The following CADPS variants were observed in gnomAD, a reference collection of about 807,000 sequenced individuals.
CADPS encodes the protein calcium-dependent secretion activator 1.
Under a neutral mutation model 167.3 loss-of-function variants are expected in CADPS, and 57 were observed. The ratio of observed to expected loss-of-function variants is 0.34; its 90% confidence interval spans 0.28 to 0.42. The LOEUF is 0.42. CADPS is among the 20% of genes least tolerant of loss of function. The pLI is 1.00. For missense variants in CADPS, 1,414 were observed against 1,738.1 expected, an observed-to-expected ratio of 0.81 and a Z score of 3.32; for synonymous variants, 676 against 635.3, an observed-to-expected ratio of 1.06 and a Z score of -0.96.
chr3:62,420,914 A>AC lies in CADPS; in HGVS notation c.3777+17189dup, dbSNP rs1553715656. Among the ~76,000 whole-genome samples the AC allele has an allele frequency of 0.026, 3,128 of 118,812 alleles. 92 individuals carry two copies. The highest frequency in any genetic ancestry group is 0.078 in the African/African-American group (2,472 of 31,552). 77.9% of individuals were successfully genotyped at this position (118,812 alleles called of 152,430 possible). A position where few individuals can be genotyped will look rare whatever the true frequency, so the allele number is the denominator to read the frequency against. On this transcript the variant is annotated intron_variant, in intron 28 of 29. Transcript: ENST00000383710. The surrounding 1 kb of genome is among the most constrained non-coding windows in gnomAD (Gnocchi z 4.1). ...CACACACACACACAGGCACACACAC[A>AC]CACACTTGCCAGATCACTTACCCAA...
Position 62,690,311 on chromosome 3 carries a change from T to C in CADPS, c.889-27917A>G, listed in dbSNP as rs1157056963. On this transcript the variant is annotated intron_variant, in intron 3 of 29. Coordinates refer to ENST00000383710, the MANE Select transcript of CADPS (RefSeq NM_003716.4). ...AAGTTTTTCTTATGACAGAGTATCA[T>C]AATCTCCAAGATGATGCATGGTCAT... 3.9e-5 allele frequency among the ~76,000 whole-genome samples: 6 copies of C among 152,190 alleles called. No homozygotes were observed. In the East Asian group the frequency reaches 7.8e-4, roughly 20 times the overall value.
rs139451750 is a variant in CADPS at position 62,753,576 on chromosome 3, C to T, written c.753G>A (p.Pro251=). The T allele has an allele frequency of 4.7e-5, 76 of 1,614,146 alleles. No individual in the cohort carries two copies. The Middle Eastern group carries it at 9.9e-4, about 21-fold the overall frequency. ...CTGTCATCCGGGCCTGCTGCTTCCG[C>T]GGGTCCTCTTCTCCACGGTAGATGG... The part of the protein sequence containing the change: ...FDAIYRGEED[P]RKQQARMTAS... The change falls in exon 3 of 30, where the codon CCG becomes CCA. Residue 251 remains proline (P), a synonymous_variant. Coordinates refer to ENST00000383710, the MANE Select transcript of CADPS (RefSeq NM_003716.4). The surrounding 1 kb of genome is among the most constrained non-coding windows in gnomAD (Gnocchi z 4.6).
rs1201137787 is a variant in CADPS at position 62,478,458 on chromosome 3, C to T, written c.3174-42G>A. ...TAGAAAATGAGAGTCACCCACTGGCCTCAGGCTCTACAAAAACTAACACAG... is the reference window on the plus strand; with the variant it reads ...TAGAAAATGAGAGTCACCCACTGGCTTCAGGCTCTACAAAAACTAACACAG... On this transcript the variant is annotated intron_variant, in intron 22 of 29. Transcript: ENST00000383710. This position sits in a 1 kb window ranked among gnomAD's most constrained non-coding sequence, Gnocchi z 5.7. 2 of 1,578,194 alleles carry T rather than the reference C, an allele frequency of 1.3e-6. No individual in the cohort carries two copies. Among genetic ancestry groups the T allele is most frequent in the South Asian group, 2.3e-5 (2 of 87,608 alleles).
intron 3 of CADPS, among the ~76,000 whole-genome samples, chr3:62,686,444 C>T (rs1225786481): frequency 6.6e-6 from 1 of 151,994 alleles, no homozygotes; most frequent in Non-Finnish European, 1.5e-5. Context: ...CATTTAAATG[C>T]TAAATGTGAA....
intron 6 of CADPS, among the ~76,000 whole-genome samples, chr3:62,643,961 T>TA (rs1329732279): frequency 1.3e-5 from 2 of 152,124 alleles, no homozygotes; most frequent in African/African-American, 2.4e-5. Flanking sequence ...AACTTGGTTG[T>TA]AAAAAAAGGG....
At chr3:62,765,844 G>A (rs1436527875) in intron 2 of CADPS, 27 bp downstream of exon 2, 2 of 1,481,852 alleles carry the variant, frequency 1.3e-6, no homozygotes, top group East Asian at 2.3e-5. Flanking sequence ...GAGTGGTCTT[G>A]GCATTCTTCT....
In CADPS at chr3:62,465,681, A is replaced by G. The variant is rs2059868871; in HGVS notation, c.3553-231T>C. 6.6e-6 allele frequency among the ~76,000 whole-genome samples: 1 copy of G among 152,248 alleles called. No homozygotes were observed. Among genetic ancestry groups the G allele is most frequent in the East Asian group, 1.9e-4 (1 of 5,198 alleles). ...TGTGATTGCAAATATAGAGTGTTAC[A>G]GAAGTGCAAAGTGACAAAATATTAT... On this transcript the variant is annotated intron_variant, in intron 25 of 29. Transcript: ENST00000383710. This position sits in a 1 kb window ranked among gnomAD's most constrained non-coding sequence, Gnocchi z 4.1.
At chr3:62,658,898 G>C (rs973669680) in intron 4 of CADPS, among the ~76,000 whole-genome samples, 1 of 152,192 alleles carries the variant, frequency 6.6e-6, no homozygotes, top group Non-Finnish European at 1.5e-5. Context: ...AAATGATAAT[G>C]AATGTGACAC....
intron 10 of CADPS, among the ~76,000 whole-genome samples, chr3:62,555,662 A>T (rs2078016705): frequency 6.6e-6 from 1 of 152,194 alleles, no homozygotes; most frequent in African/African-American, 2.4e-5. Context: ...AAAAGCAATT[A>T]TTGTCATAAG....
intron 13 of CADPS, among the ~76,000 whole-genome samples, chr3:62,532,008 G>A (rs1018057805): frequency 6.6e-6 from 1 of 152,192 alleles, no homozygotes; most frequent in Non-Finnish European, 1.5e-5. Flanking sequence ...TGATTAGACT[G>A]TGATCTCAAA....
intron 3 of CADPS, among the ~76,000 whole-genome samples, chr3:62,662,901 A>G (rs1218876399): frequency 2.0e-5 from 3 of 152,188 alleles, no homozygotes; most frequent in African/African-American, 4.8e-5. Flanking sequence ...AGCCCTCCAG[A>G]TGGCTACTTC....
At chr3:62,443,610 C>T (rs1193035724) in intron 27 of CADPS, among the ~76,000 whole-genome samples, 2 of 152,102 alleles carry the variant, frequency 1.3e-5, no homozygotes, top group African/African-American at 2.4e-5. Context: ...AGTGAGTTCT[C>T]AGGAGATGTC....
Position 62,875,331 on chromosome 3 carries a change from G to T in CADPS, c.-302C>A, listed in dbSNP as rs772234347. On this transcript the variant is annotated 5_prime_UTR_variant, in exon 1 of 30. Transcript: ENST00000383710. ...AGCCCGCAGCCGGATGCCATCTGCG[G>T]CTGCTGAAGGAGGCGCCTCCAGAAA... 9 of 192,414 alleles carry T rather than the reference G, an allele frequency of 4.7e-5. No homozygotes were observed. Among genetic ancestry groups the T allele is most frequent in the Non-Finnish European group, 8.5e-5 (8 of 94,264 alleles). 11.9% of individuals were successfully genotyped at this position (192,414 alleles called of 1,614,324 possible).
intron 1 of CADPS, among the ~76,000 whole-genome samples, chr3:62,852,706 C>G (rs1472418251): frequency 2.6e-5 from 4 of 152,162 alleles, no homozygotes; most frequent in African/African-American, 9.7e-5. Context: ...ATAATTTCCA[C>G]TTCTGAAAAT....
chr3:62,827,747 A>T (rs1420938975), intron 1 of CADPS, among the ~76,000 whole-genome samples: 1 of 152,178 alleles, frequency 6.6e-6, no homozygotes, highest in Non-Finnish European at 1.5e-5. Flanking sequence ...CAGATGGTCC[A>T]GATTAAGCCA....
intron 18 of CADPS, among the ~76,000 whole-genome samples, chr3:62,494,956 C>T (rs2064438294): frequency 6.6e-6 from 1 of 152,150 alleles, no homozygotes; most frequent in African/African-American, 2.4e-5. Context: ...AGCCACCACA[C>T]CTGGCCTCTT....
At position 62,688,770 on chromosome 3, in the gene CADPS, C is replaced by CA. The variant is rs140369134; in HGVS notation, c.889-26377dup. Reference sequence around the variant, plus strand: ...TAAGAACTTGCCATCCTCAGACACTCAGTGTCACCTTGCTCTCCCTTCTCA... The same window carrying CA: ...TAAGAACTTGCCATCCTCAGACACTCAAGTGTCACCTTGCTCTCCCTTCTCA... On this transcript the variant is annotated intron_variant, in intron 3 of 29. Transcript: ENST00000383710. Among the ~76,000 whole-genome samples the CA allele has an allele frequency of 4.9e-3, 752 of 152,154 alleles. 11 individuals are homozygous for CA. The highest frequency in any genetic ancestry group is 0.028 in the Admixed American group (424 of 15,260).
At chr3:62,432,807 G>T (rs2054240298) in intron 28 of CADPS, among the ~76,000 whole-genome samples, 1 of 152,148 alleles carries the variant, frequency 6.6e-6, no homozygotes, top group Admixed American at 6.5e-5. Context: ...AGGTCTGAAG[G>T]TTCCAGAGGC....
At chr3:62,626,542 G>A in intron 6 of CADPS, 1 of 702,848 alleles carries the variant, frequency 1.4e-6, no homozygotes, top group African/African-American at 1.7e-5. Context: ...GCACTGTGAG[G>A]CAGTTGTTCT....
Sources: gnomAD v4.1 joint callset for allele counts (sites outside exome capture counted in the v4.1 genomes callset) on GRCh38, gnomAD v4.1.1 for gene constraint, Gnocchi (gnomAD v3.1) non-coding constraint, MANE v1.5 for transcripts, NCBI Gene and HGNC (gene_info 2026-07-23, HGNC 2026-07-21) for gene names.